Variants in JAG2 observed in about 807,000 individuals in gnomAD.
JAG2 encodes the protein jagged canonical Notch ligand 2, also known as protein jagged-2.
A neutral mutation model predicts 141.7 loss-of-function variants in JAG2; 46 were observed. The ratio of observed to expected loss-of-function variants is 0.32; its 90% CI spans 0.26 to 0.42. The LOEUF (loss-of-function observed/expected upper bound fraction) is 0.42, where lower values mean the gene tolerates loss of function less well. JAG2 is among the 10% of genes least tolerant of loss of function. The pLI is 1.00. For synonymous variants in JAG2, 862 were observed against 763.5 expected (o/e 1.13, Z -2.13); for missense variants, 1,500 against 1,817.5 (o/e 0.83, Z 3.18).
Position 105,148,410 on chromosome 14 carries a change from G to A in JAG2, c.2050C>T (p.His684Tyr), listed in dbSNP as rs1888298970. 1 of 1,611,922 alleles carries A rather than the reference G, an allele frequency of 6.2e-7. No individual in the cohort carries two copies. The highest frequency in any genetic ancestry group is 8.5e-7 in the Non-Finnish European group (1 of 1,179,518). Residue 684 changes from histidine (H) to tyrosine (Y), a missense_variant, in exon 16 of 26, where the codon CAC (histidine) becomes TAC (tyrosine). Physicochemically the swap from His to Tyr is moderately conservative, Grantham distance 83. This residue lies in a region of JAG2 where 875 missense variants were observed against 1,202.2 expected (regional missense o/e 0.73). Transcript: ENST00000331782. ...AGGTCGTAGCAGCGGCCGCGGCTGT[G>A]GCAGGGATCGGGAAGGCAGTCGTTG... The part of the protein sequence containing the change: ...NPNDCLPDPC[H>Y]SRGRCYDLVN...
rs751011282 is a variant in JAG2, at chr14:105,152,002, G to A, written c.975C>T (p.Asn325=). Residue 325 remains asparagine, a synonymous_variant, in exon 7 of 26, where the codon AAC becomes AAT. Coordinates refer to ENST00000331782, the MANE Select transcript of JAG2 (RefSeq NM_002226.5). The part of the protein sequence containing the change: ...HPCTNGGTCI[N]AEPDQYRCTC... ...TGCAGCGGTACTGGTCAGGCTCGGC[G>A]TTGATGCACGTGCCTCCGTTGGTGC... 18 of 1,613,390 alleles carry A rather than the reference G, an allele frequency of 1.1e-5. No homozygotes were observed. The highest frequency in any genetic ancestry group is 6.7e-5 in the Admixed American group (4 of 60,028).
chr14:105,152,110 C>A (rs1307502889), intron 6 of JAG2, 51 bp downstream of exon 6: 4 of 1,613,316 alleles, frequency 2.5e-6, no homozygotes, highest in Non-Finnish European at 3.4e-6. Context: ...CGCTCCCCCA[C>A]AACCCACACT....
Position 105,150,896 on chromosome 14 carries a change from C to T in JAG2, c.1397G>A (p.Arg466His), listed in dbSNP as rs769513887. 1.4e-5 allele frequency: 23 copies of T among 1,591,930 alleles called. No homozygotes were observed. The highest frequency in any genetic ancestry group is 3.5e-5 in the Admixed American group (2 of 56,856). The change falls in exon 11 of 26, where the codon CGC becomes CAC. Residue 466 changes from arginine to histidine, a missense_variant. Physicochemically the swap from Arg to His is conservative, Grantham distance 29. Coordinates refer to ENST00000331782, the MANE Select transcript of JAG2 (RefSeq NM_002226.5). ...INCHINVNDCRGQCQHGGTCK... is the reference protein window; with the variant it reads ...INCHINVNDCHGQCQHGGTCK... The stretch of plus-strand genomic sequence containing the variant: ...GGTGCCCCCATGCTGACACTGCCCG[C>T]GACAGTCGTTGACGTCTGGGGGCAG...
At chr14:105,159,534 ATCCACATGCCTCCCAAGGCTCCG>A (rs2140988867) in intron 2 of JAG2, among the ~76,000 whole-genome samples, 1 of 151,556 alleles carries the variant, frequency 6.6e-6, no homozygotes, top group African/African-American at 2.4e-5. Flanking sequence ...CCAGAGTTCC[ATCCACATGCCTCCCAAGGCTCCG>A]TCCACACCCC....
chr14:105,142,487 C>G lies in JAG2; in HGVS notation c.*208G>C. Reference sequence around the variant, plus strand: ...AAACTTTACAAAAATAGCAACTATCCGAGAATACTCCATTGTTTTCAGCCT... The same window carrying G: ...AAACTTTACAAAAATAGCAACTATCGGAGAATACTCCATTGTTTTCAGCCT... On this transcript the variant is annotated 3_prime_UTR_variant, in exon 26 of 26. Transcript: ENST00000331782. The G allele has an allele frequency of 1.7e-6, 1 of 579,032 alleles. No individual in the cohort carries two copies. 35.9% of individuals were successfully genotyped at this position (579,032 alleles called of 1,614,324 possible). A position where few individuals can be genotyped will look rare whatever the true frequency, so the allele number is the denominator to read the frequency against.
rs1258517864 is a variant in JAG2 at position 105,150,692 on chromosome 14, C to G, written c.1514G>C (p.Ser505Thr). 1 of 1,554,822 alleles carries G rather than the reference C, an allele frequency of 6.4e-7. No individual in the cohort carries two copies. The highest frequency in any genetic ancestry group is 1.9e-5 in the Admixed American group (1 of 51,540). The stretch of plus-strand genomic sequence containing the variant: ...GCAGAGGCCGCCGCTGTGGCAGGGG[C>G]TGCTGGCACACTCGTCTCGTTCCAG... ...CELERDECAS[S>T]PCHSGGLCED... Residue 505 changes from serine (S) to threonine (T), a missense_variant, in exon 12 of 26, where the codon AGC (serine) becomes ACC (threonine). Ser to Thr is a moderately conservative substitution (Grantham distance 58). Transcript: ENST00000331782.
chr14:105,168,172 G>A (rs1888981601), intron 1 of JAG2, 65 bp from the exon 2 acceptor site: 2 of 1,370,748 alleles, frequency 1.5e-6, no homozygotes. Flanking sequence ...CGGGCGCCAG[G>A]GGTGGGGGAA....
Position 105,149,197 on chromosome 14 carries a change from C to T in JAG2, c.1726G>A (p.Glu576Lys), listed in dbSNP as rs202068896. The T allele has an allele frequency of 9.3e-6, 15 of 1,611,670 alleles. No homozygotes were observed. The highest frequency in any genetic ancestry group is 2.2e-5 in the East Asian group (1 of 44,830). ...CTGCAGGCCCCGCCAGGGCACGGCT[C>T]GCGGGGCACGGAGCAGTTCTTGCCA... is the stretch of plus-strand genomic sequence containing the variant. ...FGGKNCSVPR[E>K]PCPGGACRVI... is the part of the protein sequence containing the mutation. The change falls in exon 13 of 26, where the codon GAG becomes AAG. Residue 576 changes from glutamate to lysine, a missense_variant. Physicochemically the swap from Glu to Lys is moderately conservative, Grantham distance 56. Coordinates refer to ENST00000331782, the MANE Select transcript of JAG2 (RefSeq NM_002226.5).
At chr14:105,168,148 C>CGGGGTCGGCGGGCCGGGCGCCA in intron 1 of JAG2, 41 bp from the exon 2 acceptor site, 3 of 1,432,968 alleles carry the variant, frequency 2.1e-6, no homozygotes, top group Non-Finnish European at 2.7e-6. Context: ...AGGCGCGGGC[C>CGGGGTCGGCGGGCCGGGCGCCA]GGGGTCGGCG....
intron 10 of JAG2, 31 bp from the exon 11 acceptor site, chr14:105,150,942 G>C: frequency 6.3e-7 from 1 of 1,594,532 alleles, no homozygotes; most frequent in Non-Finnish European, 8.5e-7. Flanking sequence ...TCAGAGGCGG[G>C]GTCCCATGTG....
At chr14:105,147,571 C>CA (rs1888265713) in intron 18 of JAG2, 44 bp from the exon 19 acceptor site, 1 of 1,590,828 alleles carries the variant, frequency 6.3e-7, no homozygotes, top group African/African-American at 1.3e-5. Flanking sequence ...ACCCACCCCC[C>CA]AAGCGTGCCA....
chr14:105,151,583 C>G (rs903968364), intron 8 of JAG2, 43 bp downstream of exon 8: 1 of 1,508,754 alleles, frequency 6.6e-7, no homozygotes, highest in Non-Finnish European at 9.1e-7. Context: ...CAGACCCCCA[C>G]TGATACTAGG....
intron 2 of JAG2, among the ~76,000 whole-genome samples, chr14:105,165,360 C>G (rs1249090660): frequency 6.6e-6 from 1 of 152,258 alleles, no homozygotes; most frequent in Middle Eastern, 3.2e-3. Context: ...ACACACGCAG[C>G]TGGGAGAATG....
At chr14:105,148,060 G>A in intron 17 of JAG2, 56 bp downstream of exon 17, 1 of 1,413,234 alleles carries the variant, frequency 7.1e-7, no homozygotes, top group Non-Finnish European at 9.7e-7. Context: ...GCCCGAGGGA[G>A]CGGTGCCTGG....
intron 1 of JAG2, 101 bp downstream of exon 1, chr14:105,168,254 G>A (rs1018323835): frequency 7.2e-5 from 54 of 750,836 alleles, no homozygotes; most frequent in Admixed American, 6.0e-4. Flanking sequence ...AGCCTCGAGG[G>A]CTTCCGAACC....
rs1888957742 is a variant in JAG2 at position 105,167,588 on chromosome 14, G to A, written c.417+169C>T. ...GGGCCCCGGCGCGCCCACGTGGCCA[G>A]GCGCGGACCAAGTCCCCAGAGCACG... is the stretch of plus-strand genomic sequence containing the variant. On this transcript the variant is annotated intron_variant, in intron 2 of 25. Coordinates refer to ENST00000331782, the MANE Select transcript of JAG2 (RefSeq NM_002226.5). This position sits in a 1 kb window ranked among gnomAD's most constrained non-coding sequence, Gnocchi z 4.8. 1.4e-5 allele frequency among the ~76,000 whole-genome samples: 2 copies of A among 147,900 alleles called. No individual in the cohort carries two copies. The highest frequency in any genetic ancestry group is 3.0e-5 in the Non-Finnish European group (2 of 66,496).
At chr14:105,164,683 C>T (rs1012573532) in intron 2 of JAG2, among the ~76,000 whole-genome samples, 1 of 152,134 alleles carries the variant, frequency 6.6e-6, no homozygotes, top group African/African-American at 2.4e-5. Context: ...TCTGTAAAAA[C>T]CTTCCTCCCT....
intron 12 of JAG2, among the ~76,000 whole-genome samples, chr14:105,150,385 C>A (rs1888385083): frequency 6.6e-6 from 1 of 152,142 alleles, no homozygotes; most frequent in Non-Finnish European, 1.5e-5. Flanking sequence ...CACCAGGAAA[C>A]CCATCACAAC....
chr14:105,151,238 C>G, intron 9 of JAG2, 45 bp downstream of exon 9: 1 of 1,575,730 alleles, frequency 6.3e-7, no homozygotes, highest in Non-Finnish European at 8.7e-7. Context: ...CCCCGCAGCC[C>G]GCATGCGCGG....
Sources: gnomAD v4.1 joint callset for allele counts (sites outside exome capture counted in the v4.1 genomes callset) on GRCh38, gnomAD v4.1.1 for gene constraint, gnomAD v4.1.1 regional missense constraint, Gnocchi (gnomAD v3.1) non-coding constraint, MANE v1.5 for transcripts, NCBI Gene and HGNC (gene_info 2026-07-23, HGNC 2026-07-21) for gene names.